FHOD3: variants seen among roughly 807,000 people sequenced by gnomAD.
FHOD3 encodes the protein FH1/FH2 domain-containing protein 3.
Under a neutral mutation model 173.0 loss-of-function variants are expected in FHOD3, and 90 were observed. The ratio of observed to expected loss-of-function variants is 0.52; its 90% CI spans 0.44 to 0.62. The LOEUF is 0.62. Ranked by LOEUF, FHOD3 falls within the 20% of genes least tolerant of loss-of-function variation. The probability of loss-of-function intolerance (pLI) is 0.00; values close to 1 mark genes in which losing one functional copy is unlikely to be tolerated. For missense variants in FHOD3, 1,945 were observed against 2,034.7 expected (o/e 0.96, Z 0.85); for synonymous variants, 828 against 823.0 (o/e 1.01, Z -0.10).
Position 36,625,769 on chromosome 18 carries a change from T to G in FHOD3, c.1196+20T>G. On this transcript the variant is annotated intron_variant, in intron 10 of 28. Coordinates refer to ENST00000590592, the MANE Select transcript of FHOD3 (RefSeq NM_001281740.3). ...TGAAAAGTAAGCATTAACTTGGCAG[T>G]GGAGAGGGGTGCAAGGATGCCATCC... The G allele has an allele frequency of 1.9e-6, 3 of 1,573,918 alleles. No individual in the cohort carries two copies. The highest frequency in any genetic ancestry group is 4.6e-5 in the East Asian group (2 of 43,068).
At chr18:36,493,011 C>T (rs1212727549) in intron 3 of FHOD3, among the ~76,000 whole-genome samples, 1 of 152,180 alleles carries the variant, frequency 6.6e-6, no homozygotes, top group Non-Finnish European at 1.5e-5. Context: ...CCTTGAGGCT[C>T]CAGTCCCAGC....
chr18:36,744,590 G>A (rs545289710), intron 23 of FHOD3, among the ~76,000 whole-genome samples: 1 of 152,234 alleles, frequency 6.6e-6, no homozygotes, highest in Admixed American at 6.5e-5. Context: ...ACCTTGCAGT[G>A]AGGTGTGGAG....
chr18:36,325,459 T>C (rs1432238955), intron 1 of FHOD3, among the ~76,000 whole-genome samples: 1 of 152,218 alleles, frequency 6.6e-6, no homozygotes, highest in Non-Finnish European at 1.5e-5. Flanking sequence ...TTGAAGGTTA[T>C]ACAGTGGCAG....
intron 3 of FHOD3, among the ~76,000 whole-genome samples, chr18:36,389,532 G>C (rs1441758704): frequency 6.6e-6 from 1 of 152,166 alleles, no homozygotes. Flanking sequence ...CTCAGTGCCA[G>C]TCCCGCATAC....
chr18:36,490,400 A>G (rs1240809294), intron 3 of FHOD3, among the ~76,000 whole-genome samples: 1 of 152,164 alleles, frequency 6.6e-6, no homozygotes, highest in Non-Finnish European at 1.5e-5. Flanking sequence ...ATAGAGGTAT[A>G]AATGGCTTTG....
chr18:36,623,258 A>T (rs2033849734), intron 9 of FHOD3, among the ~76,000 whole-genome samples: 1 of 152,228 alleles, frequency 6.6e-6, no homozygotes, highest in South Asian at 2.1e-4. Context: ...TGATCCTTGG[A>T]TCTCTGAGGT....
chr18:36,500,698 A>T (rs1037646661), intron 3 of FHOD3, among the ~76,000 whole-genome samples: 1 of 152,204 alleles, frequency 6.6e-6, no homozygotes, highest in Non-Finnish European at 1.5e-5. Context: ...ATAGCTAGTA[A>T]ATGGTGATAC....
intron 3 of FHOD3, among the ~76,000 whole-genome samples, chr18:36,422,301 A>G (rs1050627087): frequency 6.6e-6 from 1 of 152,078 alleles, no homozygotes; most frequent in Non-Finnish European, 1.5e-5. Context: ...TTCCTATACT[A>G]GTAAATAAAG....
chr18:36,653,376 G>A lies in FHOD3; in HGVS notation c.1681G>A (p.Ala561Thr). ...TTCTTTCTCTTTGAGCACATATTCT[G>A]CCTCTGAGCCTTACCACTTCCGATC... ...SDSFSLSTYS[A>T]SEPYHFRSFS... is the part of the protein sequence containing the mutation. Residue 561 changes from alanine to threonine, a missense_variant, in exon 13 of 29, where the codon GCC becomes ACC. Ala to Thr is a moderately conservative substitution (Grantham distance 58). Transcript: ENST00000590592. The A allele has an allele frequency of 1.3e-6, 2 of 1,535,072 alleles. No individual in the cohort carries two copies. The highest frequency in any genetic ancestry group is 1.7e-6 in the Non-Finnish European group (2 of 1,146,574).
intron 14 of FHOD3, among the ~76,000 whole-genome samples, chr18:36,664,810 G>T (rs1038146666): frequency 1.3e-5 from 2 of 148,982 alleles, no homozygotes; most frequent in African/African-American, 2.6e-5. Context: ...GAGAGAGAGA[G>T]AGAGATTGAG....
At chr18:36,573,743 G>T (rs192202329) in intron 5 of FHOD3, among the ~76,000 whole-genome samples, 55 of 152,234 alleles carry the variant, frequency 3.6e-4, no homozygotes, top group Non-Finnish European at 6.2e-4. Context: ...ACATAGCTTT[G>T]GTAAATGACT....
chr18:36,567,841 A>G (rs2147815361), intron 5 of FHOD3, among the ~76,000 whole-genome samples: 1 of 152,216 alleles, frequency 6.6e-6, no homozygotes, highest in Admixed American at 6.5e-5. Context: ...AGGTAATCCC[A>G]TGGTGAGAAC....
At chr18:36,539,346 T>C (rs1378798776) in intron 5 of FHOD3, among the ~76,000 whole-genome samples, 2 of 152,228 alleles carry the variant, frequency 1.3e-5, no homozygotes, top group African/African-American at 4.8e-5. Flanking sequence ...GCTGTGACTT[T>C]AACTATTTGA....
intron 10 of FHOD3, among the ~76,000 whole-genome samples, chr18:36,638,723 C>T (rs2035067201): frequency 2.6e-5 from 4 of 152,098 alleles, no homozygotes. Context: ...AATAATATGC[C>T]TTAAGGATGC....
chr18:36,579,152 A>G (rs547715891), intron 6 of FHOD3, among the ~76,000 whole-genome samples: 1 of 152,112 alleles, frequency 6.6e-6, no homozygotes, highest in African/African-American at 2.4e-5. Flanking sequence ...CCTAACTTTC[A>G]TGTTCATTTG....
In FHOD3 at chr18:36,500,236, G is replaced by A. The variant is rs144473601; in HGVS notation, c.338-1696G>A. ...CCACAGGAGCCCTCTGTTCTTTGCC[G>A]GAAGGCAATATGTCTGGTAGGGAGA... On this transcript the variant is annotated intron_variant, in intron 3 of 28. Coordinates refer to ENST00000590592, the MANE Select transcript of FHOD3 (RefSeq NM_001281740.3). Among the ~76,000 whole-genome samples the A allele has an allele frequency of 7.4e-3, 1,134 of 152,346 alleles. 8 individuals are homozygous for A. The highest frequency in any genetic ancestry group is 9.8e-3 in the Non-Finnish European group (665 of 68,034).
rs1349002045 is a variant in FHOD3 at position 36,652,774 on chromosome 18, G to T, written c.1491G>T (p.Arg497=). The T allele has an allele frequency of 6.5e-7, 1 of 1,535,906 alleles. No individual in the cohort carries two copies. The change falls in exon 12 of 29, where the codon CGG becomes CGT. Residue 497 remains arginine (R), a synonymous_variant. Transcript: ENST00000590592. ...TGTCACCCCCTGCCTCAGCTGCTCG[G>T]CCCTCCTCCGCCACACCAGGCTCCC... ...ALLSPPASAA[R]PSSATPGSLK...
chr18:36,702,194 C>T (rs1341234349), intron 17 of FHOD3, among the ~76,000 whole-genome samples: 1 of 152,076 alleles, frequency 6.6e-6, no homozygotes, highest in African/African-American at 2.4e-5. Flanking sequence ...TTTCAGTTGC[C>T]ACAATAGCAG....
At chr18:36,692,603 G>A (rs1260227148) in intron 16 of FHOD3, among the ~76,000 whole-genome samples, 4 of 152,154 alleles carry the variant, frequency 2.6e-5, no homozygotes, top group Non-Finnish European at 5.9e-5. Context: ...TCTATGTGAC[G>A]TCAGGTTCAA....
Sources: gnomAD v4.1 joint callset for allele counts (sites outside exome capture counted in the v4.1 genomes callset) on GRCh38, gnomAD v4.1.1 for gene constraint, MANE v1.5 for transcripts, NCBI Gene and HGNC (gene_info 2026-07-23, HGNC 2026-07-21) for gene names.